FAF1: variants seen among roughly 807,000 people sequenced by gnomAD.
FAF1 encodes Fas associated factor 1.
FAF1 carries 25 observed loss-of-function variants against 92.5 expected under a neutral mutation model. That is an observed-to-expected ratio of 0.27 (90% CI 0.20 to 0.38). FAF1 has a LOEUF of 0.38. Among genes scored for constraint, FAF1 ranks in the 10% least tolerant of loss-of-function variants. The probability of loss-of-function intolerance (pLI) is 1.00; values close to 1 mark genes in which losing one functional copy is unlikely to be tolerated. For synonymous variants in FAF1, 234 were observed against 273.2 expected, an observed-to-expected ratio of 0.86 and a Z score of 1.42; for missense variants, 636 against 793.3, an observed-to-expected ratio of 0.80 and a Z score of 2.38.
At chr1:50,641,065 C>T (rs1401262615) in intron 8 of FAF1, among the ~76,000 whole-genome samples, 1 of 152,068 alleles carries the variant, frequency 6.6e-6, no homozygotes, top group African/African-American at 2.4e-5. Flanking sequence ...ATCTCTTGAC[C>T]TCATGATCCA....
chr1:50,760,775 G>T (rs1255363964), intron 4 of FAF1, among the ~76,000 whole-genome samples: 1 of 152,058 alleles, frequency 6.6e-6, no homozygotes, highest in Non-Finnish European at 1.5e-5. Context: ...ACAATTAAAA[G>T]AACTAGAAAA....
intron 6 of FAF1, among the ~76,000 whole-genome samples, chr1:50,711,072 G>A (rs1657906128): frequency 6.7e-6 from 1 of 149,774 alleles, no homozygotes; most frequent in African/African-American, 2.5e-5. Flanking sequence ...ACCACATCCA[G>A]TTAATTTTGG....
At chr1:50,561,674 A>G (rs1265557050) in intron 13 of FAF1, among the ~76,000 whole-genome samples, 1 of 152,056 alleles carries the variant, frequency 6.6e-6, no homozygotes, top group Non-Finnish European at 1.5e-5. Flanking sequence ...AAAAATACAA[A>G]AATTAGCCAG....
At chr1:50,761,394 A>C (rs1660320140) in intron 4 of FAF1, among the ~76,000 whole-genome samples, 1 of 152,222 alleles carries the variant, frequency 6.6e-6, no homozygotes, top group East Asian at 1.9e-4. Flanking sequence ...AAAAAAGAGA[A>C]TTTTAGACCA....
intron 1 of FAF1, among the ~76,000 whole-genome samples, chr1:50,948,226 T>C (rs1645185727): frequency 6.6e-6 from 1 of 152,222 alleles, no homozygotes; most frequent in South Asian, 2.1e-4. Context: ...AGCCTAAGCA[T>C]CAAGCATCAG....
intron 7 of FAF1, among the ~76,000 whole-genome samples, chr1:50,677,171 A>G (rs752114225): frequency 2.0e-5 from 3 of 152,216 alleles, no homozygotes; most frequent in African/African-American, 4.8e-5. Context: ...AATTAAGGAA[A>G]TGCAAATTAA....
rs142003776 is a variant in FAF1, at chr1:50,924,699, T to C, written c.45+35068A>G. On this transcript the variant is annotated intron_variant, in intron 1 of 18. Coordinates refer to ENST00000396153, the MANE Select transcript of FAF1 (RefSeq NM_007051.3). ...TAGTATTGGTATAATAAAAGATACATAGGCTAGGCACAGTGGCTCACGCCT... is the reference window on the plus strand; with the variant it reads ...TAGTATTGGTATAATAAAAGATACACAGGCTAGGCACAGTGGCTCACGCCT... Among the ~76,000 whole-genome samples, 230 of 152,254 alleles carry C rather than the reference T, an allele frequency of 1.5e-3. 1 individual carries two copies. Among genetic ancestry groups the C allele is most frequent in the Admixed American group, 2.5e-3 (39 of 15,298 alleles).
At chr1:50,903,296 CGAAA>C (rs959324554) in intron 1 of FAF1, among the ~76,000 whole-genome samples, 11 of 152,270 alleles carry the variant, frequency 7.2e-5, no homozygotes, top group African/African-American at 2.6e-4. Flanking sequence ...CTCTAACCCT[CGAAA>C]GAGTTACTTA....
chr1:50,484,010 G>T (rs1330748313), intron 17 of FAF1, among the ~76,000 whole-genome samples: 1 of 152,172 alleles, frequency 6.6e-6, no homozygotes, highest in Non-Finnish European at 1.5e-5. Context: ...CAAGTCTGGA[G>T]TTCAGGGAAA....
At chr1:50,471,104 G>A (rs1243435550) in intron 18 of FAF1, 2 of 152,194 alleles carry the variant, frequency 1.3e-5, no homozygotes, top group African/African-American at 2.4e-5. Context: ...CACAGCAAAT[G>A]TTTTGCTATA....
At chr1:50,651,710 CA>C (rs1654872551) in intron 8 of FAF1, among the ~76,000 whole-genome samples, 1 of 152,148 alleles carries the variant, frequency 6.6e-6, no homozygotes, top group Admixed American at 6.5e-5. Flanking sequence ...GCTGTTTACA[CA>C]GCTGACATTT....
intron 6 of FAF1, among the ~76,000 whole-genome samples, chr1:50,711,227 A>G (rs1657912310): frequency 1.3e-5 from 2 of 152,102 alleles, no homozygotes; most frequent in Non-Finnish European, 2.9e-5. Context: ...TTTTTATTGC[A>G]CATAAGTTAT....
chr1:50,712,339 G>A (rs1451955926), intron 6 of FAF1, among the ~76,000 whole-genome samples: 1 of 152,108 alleles, frequency 6.6e-6, no homozygotes, highest in Non-Finnish European at 1.5e-5. Flanking sequence ...GAGGAGAGGG[G>A]TTAGTGGGGA....
At chr1:50,611,986 T>C (rs183914988) in intron 8 of FAF1, among the ~76,000 whole-genome samples, 37 of 152,288 alleles carry the variant, frequency 2.4e-4, no homozygotes, top group African/African-American at 7.7e-4. Flanking sequence ...ACAGAAGAAA[T>C]TGCTTGTTTG....
At chr1:50,640,923 T>G (rs1654297801) in intron 8 of FAF1, among the ~76,000 whole-genome samples, 1 of 140,760 alleles carries the variant, frequency 7.1e-6, no homozygotes, top group African/African-American at 2.6e-5. Context: ...AACCTCTGCC[T>G]CTGGGGTTCA....
chr1:50,833,855 T>C (rs1644177296), intron 2 of FAF1, among the ~76,000 whole-genome samples: 1 of 152,262 alleles, frequency 6.6e-6, no homozygotes, highest in African/African-American at 2.4e-5. Context: ...TTGTAAAGTT[T>C]CTTTCACAAT....
At chr1:50,610,729 C>T (rs1652646769) in intron 8 of FAF1, among the ~76,000 whole-genome samples, 1 of 151,968 alleles carries the variant, frequency 6.6e-6, no homozygotes, top group East Asian at 1.9e-4. Context: ...TTCAAGAGAG[C>T]CCATGGGAAG....
At chr1:50,881,802 T>C (rs1181252554) in intron 1 of FAF1, among the ~76,000 whole-genome samples, 1 of 152,240 alleles carries the variant, frequency 6.6e-6, no homozygotes, top group Non-Finnish European at 1.5e-5. Flanking sequence ...AATGCCTATA[T>C]ATAATTTTAA....
intron 18 of FAF1, among the ~76,000 whole-genome samples, chr1:50,448,457 A>T (rs1646254767): frequency 6.6e-6 from 1 of 152,126 alleles, no homozygotes; most frequent in Admixed American, 6.5e-5. Flanking sequence ...TTTCACATTT[A>T]TGTATCCACA....
Sources: gnomAD v4.1 joint callset for allele counts (sites outside exome capture counted in the v4.1 genomes callset) on GRCh38, gnomAD v4.1.1 for gene constraint, MANE v1.5 for transcripts, NCBI Gene and HGNC (gene_info 2026-07-23, HGNC 2026-07-21) for gene names.